The following PPP5C variants were observed in gnomAD, a reference collection of about 807,000 sequenced individuals.
PPP5C encodes the protein protein phosphatase 5 catalytic subunit.
A neutral mutation model predicts 66.7 loss-of-function variants in PPP5C; 21 were observed. That is an observed-to-expected ratio of 0.31 (90% CI 0.22 to 0.45). PPP5C has a LOEUF of 0.45. Ranked by LOEUF, PPP5C falls within the 20% of genes least tolerant of loss-of-function variation. The pLI, the probability that PPP5C is intolerant of heterozygous loss-of-function variation, is 1.00. For synonymous variants in PPP5C, 246 were observed against 257.4 expected, an observed-to-expected ratio of 0.96 and a Z score of 0.43; for missense variants, 464 against 675.9, an observed-to-expected ratio of 0.69 and a Z score of 3.48.
chr19:46,349,362 C>G (rs769850212), intron 1 of PPP5C, among the ~76,000 whole-genome samples: 5 of 151,474 alleles, frequency 3.3e-5, no homozygotes, highest in African/African-American at 1.2e-4. Context: ...AGAGTAGAGT[C>G]CAATAGAGAT....
At chr19:46,387,264 G>T (rs779272542) in intron 8 of PPP5C, 29 bp downstream of exon 8, 70 of 1,613,878 alleles carry the variant, frequency 4.3e-5, no homozygotes, top group Non-Finnish European at 5.7e-5. Context: ...CTGAGTGTGG[G>T]TTCCCCACCC....
chr19:46,384,005 C>G, intron 6 of PPP5C, 127 bp downstream of exon 6: 1 of 800,844 alleles, frequency 1.2e-6, no homozygotes, highest in Non-Finnish European at 2.0e-6. Flanking sequence ...CCTGGCCATG[C>G]TGGGGCACCA....
chr19:46,375,242 G>A (rs960971378), intron 2 of PPP5C, among the ~76,000 whole-genome samples: 3 of 152,130 alleles, frequency 2.0e-5, no homozygotes, highest in Admixed American at 6.5e-5. Flanking sequence ...CTCATGCTCC[G>A]CCACCTTGGT....
chr19:46,382,885 C>A, intron 4 of PPP5C: 1 of 1,066,508 alleles, frequency 9.4e-7, no homozygotes, highest in African/African-American at 1.7e-5. Flanking sequence ...AAAAATAAAT[C>A]ATCTGCATTT....
chr19:46,355,237 G>A (rs1272566330), intron 2 of PPP5C, among the ~76,000 whole-genome samples: 2 of 152,136 alleles, frequency 1.3e-5, no homozygotes, highest in African/African-American at 4.8e-5. Flanking sequence ...GGTGCAGCAG[G>A]GGGCTTGGTC....
At chr19:46,384,750 C>T (rs1246919000) in intron 6 of PPP5C, 54 bp from the exon 7 acceptor site, 5 of 1,412,218 alleles carry the variant, frequency 3.5e-6, no homozygotes, top group Non-Finnish European at 5.0e-6. Context: ...CCCCCAACCC[C>T]ACCGCACCGC....
chr19:46,358,730 G>GATTACA (rs1005513777), intron 2 of PPP5C, among the ~76,000 whole-genome samples: 10 of 152,174 alleles, frequency 6.6e-5, no homozygotes, highest in African/African-American at 2.4e-4. Context: ...GGGGAGGAGT[G>GATTACA]ATTACAAAGG....
At chr19:46,371,395 C>G (rs1022124614) in intron 2 of PPP5C, among the ~76,000 whole-genome samples, 1 of 152,186 alleles carries the variant, frequency 6.6e-6, no homozygotes, top group African/African-American at 2.4e-5. Context: ...CAGCGCTCGC[C>G]AGGGCCCAGG....
In PPP5C at chr19:46,383,712, C is replaced by T; in HGVS notation, c.700-68C>T. The stretch of plus-strand genomic sequence containing the variant: ...TCTACTGTGAACTCTTACCCTTCCC[C>T]TCACCTCTGCCCCCTCCCCACGTCT... On this transcript the variant is annotated intron_variant, in intron 5 of 12. Coordinates refer to ENST00000012443, the MANE Select transcript of PPP5C (RefSeq NM_006247.4). This position sits in a 1 kb window ranked among gnomAD's most constrained non-coding sequence, Gnocchi z 5.0. The T allele has an allele frequency of 7.5e-7, 1 of 1,324,760 alleles. No individual in the cohort carries two copies. The highest frequency in any genetic ancestry group is 1.1e-6 in the Non-Finnish European group (1 of 921,716). The allele number at this position is 1,324,760 out of a possible 1,614,324, so 82.1% of individuals were successfully genotyped here. A position where few individuals can be genotyped will look rare whatever the true frequency, so the allele number is the denominator to read the frequency against.
At chr19:46,372,076 T>C (rs1305197043) in intron 2 of PPP5C, among the ~76,000 whole-genome samples, 4 of 152,214 alleles carry the variant, frequency 2.6e-5, no homozygotes, top group Admixed American at 1.3e-4. Flanking sequence ...TCCAGTGGCA[T>C]GTCTGGAGGT....
intron 1 of PPP5C, among the ~76,000 whole-genome samples, chr19:46,352,374 G>A (rs1972202608): frequency 6.6e-6 from 1 of 152,192 alleles, no homozygotes; most frequent in Non-Finnish European, 1.5e-5. Context: ...CAGTAGCCCA[G>A]GGATACCCAG....
chr19:46,373,096 C>T (rs537680723), intron 2 of PPP5C, among the ~76,000 whole-genome samples: 7 of 152,354 alleles, frequency 4.6e-5, no homozygotes, highest in African/African-American at 1.2e-4. Flanking sequence ...GATGTGAGGC[C>T]GCCTGTCCTG....
chr19:46,383,309 C>T lies in PPP5C; in HGVS notation c.634-102C>T, dbSNP rs752054893. ...TTTTCTTCTCTCCCTGCTTCTCCCT[C>T]GCCCTCAGCCCAGCAGCGTCTCATG... On this transcript the variant is annotated intron_variant, in intron 4 of 12. Coordinates refer to ENST00000012443, the MANE Select transcript of PPP5C (RefSeq NM_006247.4). The surrounding 1 kb of genome is among the most constrained non-coding windows in gnomAD (Gnocchi z 5.0). The T allele has an allele frequency of 2.0e-5, 31 of 1,555,634 alleles. No individual in the cohort carries two copies. The East Asian group carries it at 3.4e-4, about 17-fold the overall frequency.
intron 1 of PPP5C, among the ~76,000 whole-genome samples, chr19:46,348,672 G>C (rs1972129412): frequency 6.6e-6 from 1 of 152,090 alleles, no homozygotes. Context: ...ATTTGGGTGT[G>C]ATCAAACTAT....
Position 46,390,111 on chromosome 19 carries a change from G to C in PPP5C, c.1416G>C (p.Gln472His). The C allele has an allele frequency of 6.2e-7, 1 of 1,614,138 alleles. No individual in the cohort carries two copies. Among genetic ancestry groups the C allele is most frequent in the South Asian group, 1.1e-5 (1 of 91,082 alleles). The change falls in exon 12 of 13, where the codon CAG (glutamine) becomes CAC (histidine). Residue 472 changes from glutamine to histidine, a missense_variant. This residue lies in a region of PPP5C where 387 missense variants were observed against 626.0 expected (regional missense o/e 0.62). Coordinates refer to ENST00000012443, the MANE Select transcript of PPP5C (RefSeq NM_006247.4). ...TCCAGGGCTCTGACCTACGGCCTCA[G>C]TTCCACCAGTTCACAGCAGTGGTGA... ...IHLQGSDLRP[Q>H]FHQFTAVPHP...
intron 7 of PPP5C, among the ~76,000 whole-genome samples, chr19:46,386,412 G>A (rs951897696): frequency 3.3e-5 from 5 of 152,198 alleles, no homozygotes; most frequent in African/African-American, 1.2e-4. Context: ...CAGGAAGCCC[G>A]ACTGTGGGCC....
chr19:46,384,675 G>A, intron 6 of PPP5C, 129 bp from the exon 7 acceptor site: 1 of 686,178 alleles, frequency 1.5e-6, no homozygotes. Flanking sequence ...TCACTCCCTG[G>A]GAGGTGCTGA....
rs566749615 is a variant in PPP5C, at chr19:46,388,396, G to C, written c.1136-12G>C. 6 of 1,607,806 alleles carry C rather than the reference G, an allele frequency of 3.7e-6. No individual in the cohort carries two copies. The East Asian group carries it at 1.3e-4, about 36-fold the overall frequency. On this transcript the variant is annotated splice_polypyrimidine_tract_variant and intron_variant, in intron 9 of 12. Coordinates refer to ENST00000012443, the MANE Select transcript of PPP5C (RefSeq NM_006247.4). This position sits in a 1 kb window ranked among gnomAD's most constrained non-coding sequence, Gnocchi z 4.9. ...TGGACGAGTCCCTAATGTTTCCCTC[G>C]CTCCCCACCAGGGCCCATGTGTGAC...
chr19:46,374,129 C>T (rs1972648392), intron 2 of PPP5C, among the ~76,000 whole-genome samples: 1 of 152,210 alleles, frequency 6.6e-6, no homozygotes, highest in Non-Finnish European at 1.5e-5. Flanking sequence ...CCAGGTGGAG[C>T]TGCCTGGCAG....
Sources: gnomAD v4.1 joint callset for allele counts (sites outside exome capture counted in the v4.1 genomes callset) on GRCh38, gnomAD v4.1.1 for gene constraint, gnomAD v4.1.1 regional missense constraint, Gnocchi (gnomAD v3.1) non-coding constraint, MANE v1.5 for transcripts, NCBI Gene and HGNC (gene_info 2026-07-23, HGNC 2026-07-21) for gene names.